Variants in DNAJC13 observed in about 807,000 individuals in gnomAD.
DNAJC13 encodes dnaJ homolog subfamily C member 13.
DNAJC13 carries 75 observed loss-of-function variants against 290.5 expected under a neutral mutation model. The observed-to-expected ratio is 0.26, with a 90% confidence interval of 0.21 to 0.31. DNAJC13 has a LOEUF of 0.31. Among genes scored for constraint, DNAJC13 ranks in the 10% least tolerant of loss-of-function variants. The pLI, the probability that DNAJC13 is intolerant of heterozygous loss-of-function variation, is 1.00. For missense variants in DNAJC13, 2,260 were observed against 2,674.5 expected (o/e 0.85, Z 3.42); for synonymous variants, 862 against 892.0 (o/e 0.97, Z 0.60).
At chr3:132,425,156 A>G (rs1215724267) in intron 1 of DNAJC13, among the ~76,000 whole-genome samples, 2 of 152,120 alleles carry the variant, frequency 1.3e-5, no homozygotes, top group African/African-American at 2.4e-5. Context: ...AAGATATTCT[A>G]TCTATTACTC....
chr3:132,478,905 T>C (rs1934565030), intron 24 of DNAJC13, among the ~76,000 whole-genome samples: 1 of 152,228 alleles, frequency 6.6e-6, no homozygotes, highest in Non-Finnish European at 1.5e-5. Flanking sequence ...ATCCTTTTAC[T>C]TCAAGTATCA....
At chr3:132,498,951 C>T (rs536516841) in intron 36 of DNAJC13, among the ~76,000 whole-genome samples, 175 bp from the exon 37 acceptor site, 1 of 152,186 alleles carries the variant, frequency 6.6e-6, no homozygotes, top group South Asian at 2.1e-4. Flanking sequence ...CTCCTGACCT[C>T]GTGATCCACC....
intron 1 of DNAJC13, among the ~76,000 whole-genome samples, chr3:132,421,475 T>A (rs749763555): frequency 6.6e-6 from 1 of 152,164 alleles, no homozygotes; most frequent in Non-Finnish European, 1.5e-5. Context: ...TTTGTGTGTG[T>A]GAGAGACAAT....
intron 1 of DNAJC13, among the ~76,000 whole-genome samples, chr3:132,429,621 T>A (rs931869161): frequency 1.3e-5 from 2 of 152,214 alleles, no homozygotes; most frequent in Non-Finnish European, 2.9e-5. Context: ...CTTGCTTCCC[T>A]ACCTTTATTA....
intron 48 of DNAJC13, among the ~76,000 whole-genome samples, chr3:132,520,501 C>T (rs1936057590): frequency 6.6e-6 from 1 of 152,138 alleles, no homozygotes; most frequent in Admixed American, 6.6e-5. Flanking sequence ...GTAAACTTTG[C>T]TTTAATACTG....
chr3:132,495,805 A>T (rs1176224488), intron 35 of DNAJC13, among the ~76,000 whole-genome samples: 1 of 152,160 alleles, frequency 6.6e-6, no homozygotes, highest in East Asian at 1.9e-4. Flanking sequence ...TGACTTTCAT[A>T]TGTTTAAGGT....
chr3:132,440,459 C>T (rs1933025319), intron 2 of DNAJC13, among the ~76,000 whole-genome samples: 2 of 152,192 alleles, frequency 1.3e-5, no homozygotes, highest in Admixed American at 1.3e-4. Context: ...TATTTCTTTT[C>T]TCACATTGTG....
intron 21 of DNAJC13, 105 bp downstream of exon 21, chr3:132,473,332 AT>A: frequency 1.4e-6 from 1 of 740,388 alleles, no homozygotes; most frequent in Non-Finnish European, 2.2e-6. Flanking sequence ...TGCCACATGT[AT>A]TTTTATGCCA....
rs990602353 is a variant in DNAJC13 at position 132,497,246 on chromosome 3, G to A, written c.4156+583G>A. On this transcript the variant is annotated intron_variant, in intron 36 of 55. Coordinates refer to ENST00000260818, the MANE Select transcript of DNAJC13 (RefSeq NM_015268.4). The stretch of plus-strand genomic sequence containing the variant: ...TACAGGATTATCCAGTGTTTGTGGG[G>A]CCATTTGCAGTAGCCCTAACAGTAG... Among the ~76,000 whole-genome samples the A allele has an allele frequency of 7.9e-5, 12 of 152,312 alleles. No homozygotes were observed. In the South Asian group the frequency reaches 1.2e-3, roughly 16 times the overall value.
chr3:132,504,872 A>G (rs1310575246), intron 41 of DNAJC13, among the ~76,000 whole-genome samples: 1 of 152,190 alleles, frequency 6.6e-6, no homozygotes, highest in Non-Finnish European at 1.5e-5. Flanking sequence ...ATTTTCCTTC[A>G]TACAGGTATG....
chr3:132,515,915 C>T (rs1289457668), intron 46 of DNAJC13, among the ~76,000 whole-genome samples: 3 of 152,192 alleles, frequency 2.0e-5, no homozygotes, highest in African/African-American at 7.2e-5. Context: ...GTCCAGTAAC[C>T]TATACTTGCA....
intron 43 of DNAJC13, among the ~76,000 whole-genome samples, chr3:132,509,230 G>T (rs77524988): frequency 6.6e-6 from 1 of 152,314 alleles, no homozygotes; most frequent in Non-Finnish European, 1.5e-5. Context: ...ATTAACAGGA[G>T]CTTGGAAGAA....
chr3:132,430,220 A>C (rs1246545672), intron 1 of DNAJC13, among the ~76,000 whole-genome samples: 3 of 152,144 alleles, frequency 2.0e-5, no homozygotes, highest in Non-Finnish European at 2.9e-5. Flanking sequence ...CTTGATGTAA[A>C]GTTATTTAAT....
chr3:132,502,692 G>A (rs924473600), intron 40 of DNAJC13, among the ~76,000 whole-genome samples: 3 of 152,108 alleles, frequency 2.0e-5, no homozygotes, highest in Non-Finnish European at 4.4e-5. Context: ...AGCATATACT[G>A]GACATAATTT....
chr3:132,418,586 C>G (rs1270951486), intron 1 of DNAJC13, among the ~76,000 whole-genome samples: 1 of 152,194 alleles, frequency 6.6e-6, no homozygotes, highest in African/African-American at 2.4e-5. Flanking sequence ...GTAATTATTT[C>G]TCATTTTCCC....
chr3:132,439,090 ACC>A lies in DNAJC13; in HGVS notation c.68+4473_68+4474del, dbSNP rs1932961501. ...GGATAAAAATTTATAAGTAAAATCT[ACC>A]TGTGGATCACCTTAATATTGCATAC... On this transcript the variant is annotated intron_variant, in intron 2 of 55. Transcript: ENST00000260818. 4.6e-5 allele frequency among the ~76,000 whole-genome samples: 7 copies of A among 152,312 alleles called. No homozygotes were observed. The South Asian group carries it at 1.4e-3, about 32-fold the overall frequency.
intron 43 of DNAJC13, among the ~76,000 whole-genome samples, chr3:132,509,726 A>C (rs1046048057): frequency 3.3e-5 from 5 of 152,226 alleles, no homozygotes; most frequent in African/African-American, 1.2e-4. Flanking sequence ...TGTCAACATC[A>C]AGGTGACATT....
At chr3:132,460,155 A>G (rs892792077) in intron 13 of DNAJC13, 95 bp from the exon 14 acceptor site, 26 of 695,816 alleles carry the variant, frequency 3.7e-5, no homozygotes, top group Admixed American at 1.9e-4. Context: ...AATTCTTTCA[A>G]TGTGTAATGA....
intron 21 of DNAJC13, among the ~76,000 whole-genome samples, 190 bp downstream of exon 21, chr3:132,473,417 T>G (rs1485296830): frequency 6.6e-6 from 1 of 152,068 alleles, no homozygotes; most frequent in Non-Finnish European, 1.5e-5. Flanking sequence ...TTTCATAGAG[T>G]GATAGTCTGA....
Sources: allele counts gnomAD v4.1 joint callset (sites outside exome capture counted in the v4.1 genomes callset), GRCh38; gene constraint gnomAD v4.1.1; transcripts MANE v1.5; gene names NCBI Gene and HGNC (gene_info 2026-07-23, HGNC 2026-07-21).